SBF2: variants seen among roughly 807,000 people sequenced by gnomAD.
SBF2 encodes myotubularin-related protein 13.
In SBF2, 112 loss-of-function variants were observed where a neutral mutation model predicts 225.2. The ratio of observed to expected loss-of-function variants is 0.50; its 90% CI spans 0.43 to 0.58. The LOEUF is 0.58. Ranked by LOEUF, SBF2 falls within the 20% of genes least tolerant of loss-of-function variation. SBF2 has a pLI of 0.00. For synonymous variants in SBF2, 763 were observed against 773.3 expected (o/e 0.99, Z 0.22); for missense variants, 1,996 against 2,206.2 (o/e 0.90, Z 1.91).
At chr11:9,887,991 T>C (rs1033296097) in intron 17 of SBF2, among the ~76,000 whole-genome samples, 2 of 152,206 alleles carry the variant, frequency 1.3e-5, no homozygotes, top group African/African-American at 2.4e-5. Flanking sequence ...TATATTTCTA[T>C]AAGATTTTTC....
intron 1 of SBF2, among the ~76,000 whole-genome samples, chr11:10,221,764 G>A (rs1329262546): frequency 6.6e-6 from 1 of 152,184 alleles, no homozygotes; most frequent in Non-Finnish European, 1.5e-5. Flanking sequence ...ACAAATATTA[G>A]AGGGCAGTCA....
chr11:9,870,746 T>G (rs979848231), intron 17 of SBF2, among the ~76,000 whole-genome samples: 6 of 151,834 alleles, frequency 4.0e-5, no homozygotes, highest in African/African-American at 1.2e-4. Context: ...GAGGCTGAGG[T>G]GGGTGGAGCA....
chr11:10,151,127 A>T (rs1436905764), intron 2 of SBF2, among the ~76,000 whole-genome samples: 1 of 152,240 alleles, frequency 6.6e-6, no homozygotes, highest in Admixed American at 6.5e-5. Context: ...CAAAATACAC[A>T]GTCTCTTGCC....
intron 1 of SBF2, among the ~76,000 whole-genome samples, chr11:10,198,736 A>T (rs1373058958): frequency 1.3e-5 from 2 of 152,224 alleles, no homozygotes; most frequent in African/African-American, 4.8e-5. Context: ...CTTCTGCATA[A>T]CTTGCAGCAG....
In SBF2 at chr11:10,073,592, C is replaced by T. The variant is rs539525058; in HGVS notation, c.142-30611G>A. Among the ~76,000 whole-genome samples, 17 of 152,226 alleles carry T rather than the reference C, an allele frequency of 1.1e-4. No individual in the cohort carries two copies. In the East Asian group the frequency reaches 3.1e-3, roughly 28 times the overall value. Reference sequence around the variant, plus strand: ...ACTAGCTGGGTGTGGTGGCATGCACCTGTAGTCCCAGCTACTCAGGAGGCT... The same window carrying T: ...ACTAGCTGGGTGTGGTGGCATGCACTTGTAGTCCCAGCTACTCAGGAGGCT... On this transcript the variant is annotated intron_variant, in intron 2 of 39. Transcript: ENST00000256190.
chr11:10,137,732 C>T (rs889661967), intron 2 of SBF2, among the ~76,000 whole-genome samples: 5 of 152,052 alleles, frequency 3.3e-5, no homozygotes, highest in Admixed American at 6.6e-5. Flanking sequence ...TGAGGCCGGG[C>T]GCGGTGGTTC....
chr11:9,967,988 TATAA>T (rs1295533715), intron 14 of SBF2, among the ~76,000 whole-genome samples: 91 of 138,344 alleles, frequency 6.6e-4, no homozygotes, highest in South Asian at 5.9e-3. Context: ...TATATATATA[TATAA>T]AATATATATA....
At chr11:9,935,333 T>C (rs1864813624) in intron 16 of SBF2, among the ~76,000 whole-genome samples, 1 of 152,170 alleles carries the variant, frequency 6.6e-6, no homozygotes, top group Non-Finnish European at 1.5e-5. Context: ...GAACATTCCA[T>C]GCTCATGGAT....
At chr11:10,085,761 T>A (rs1001890195) in intron 2 of SBF2, among the ~76,000 whole-genome samples, 1 of 152,138 alleles carries the variant, frequency 6.6e-6, no homozygotes, top group Non-Finnish European at 1.5e-5. Context: ...GGAAGATGTT[T>A]TTCTGCGGTT....
At chr11:9,877,912 A>T (rs188597412) in intron 17 of SBF2, among the ~76,000 whole-genome samples, 35 of 152,358 alleles carry the variant, frequency 2.3e-4, no homozygotes, top group African/African-American at 7.7e-4. Context: ...GTATATACCC[A>T]GTAATGGGAT....
At chr11:9,945,434 A>G (rs1264262190) in intron 16 of SBF2, among the ~76,000 whole-genome samples, 2 of 152,196 alleles carry the variant, frequency 1.3e-5, no homozygotes, top group Non-Finnish European at 2.9e-5. Flanking sequence ...TTCACTATAT[A>G]CAAAAATAAA....
intron 2 of SBF2, among the ~76,000 whole-genome samples, chr11:10,066,890 A>G (rs1337234087): frequency 6.6e-6 from 1 of 152,262 alleles, no homozygotes; most frequent in Non-Finnish European, 1.5e-5. Context: ...GTAGTAGAAC[A>G]CATGATCAAT....
chr11:9,816,911 T>G lies in SBF2; in HGVS notation c.3907A>C (p.Ser1303Arg), dbSNP rs1296572528. The G allele has an allele frequency of 8.1e-6, 13 of 1,614,182 alleles. No homozygotes were observed. Among genetic ancestry groups the G allele is most frequent in the Non-Finnish European group, 1.1e-5 (13 of 1,180,024 alleles). ...KDHSASFSNS[S>R]YLQNQLLKRQ... ...TTCAAGAGCTGGTTTTGTAGGTAGCTGCTGTTACTGAAGGAGGCCGAGTGA... is the reference window on the plus strand; with the variant it reads ...TTCAAGAGCTGGTTTTGTAGGTAGCGGCTGTTACTGAAGGAGGCCGAGTGA... The change falls in exon 29 of 40, where the codon AGC becomes CGC. Residue 1303 changes from serine (S) to arginine (R), a missense_variant. Coordinates refer to ENST00000256190, the MANE Select transcript of SBF2 (RefSeq NM_030962.4).
chr11:10,075,743 T>C (rs1030133018), intron 2 of SBF2, among the ~76,000 whole-genome samples: 1 of 152,200 alleles, frequency 6.6e-6, no homozygotes, highest in African/African-American at 2.4e-5. Flanking sequence ...GTGAGTCAAT[T>C]AAACCTCTTT....
chr11:10,250,991 T>C (rs1030342456), intron 1 of SBF2, among the ~76,000 whole-genome samples: 5 of 152,184 alleles, frequency 3.3e-5, no homozygotes, highest in African/African-American at 1.2e-4. Context: ...CTACTATCAT[T>C]AGACTCTTAT....
intron 1 of SBF2, among the ~76,000 whole-genome samples, chr11:10,211,059 C>T (rs1339539497): frequency 2.3e-5 from 3 of 130,746 alleles, no homozygotes; most frequent in Non-Finnish European, 3.3e-5. Flanking sequence ...GCTCAATGTA[C>T]ATGTGTTTTC....
At chr11:9,844,124 A>C (rs2133965364) in intron 24 of SBF2, among the ~76,000 whole-genome samples, 1 of 152,294 alleles carries the variant, frequency 6.6e-6, no homozygotes, top group East Asian at 1.9e-4. Flanking sequence ...GAGATAACAA[A>C]CATCATAGGC....
chr11:9,976,994 G>A (rs1946724294), intron 13 of SBF2, among the ~76,000 whole-genome samples: 2 of 151,758 alleles, frequency 1.3e-5, no homozygotes, highest in Non-Finnish European at 2.9e-5. Context: ...TCCTGACCTC[G>A]TGATCCACCT....
At chr11:10,220,175 A>T (rs916550451) in intron 1 of SBF2, among the ~76,000 whole-genome samples, 2 of 152,206 alleles carry the variant, frequency 1.3e-5, no homozygotes, top group Non-Finnish European at 2.9e-5. Flanking sequence ...GCAAAGGAAC[A>T]TTTACATGGT....
Sources: gnomAD v4.1 joint callset for allele counts (sites outside exome capture counted in the v4.1 genomes callset) on GRCh38, gnomAD v4.1.1 for gene constraint, MANE v1.5 for transcripts, NCBI Gene and HGNC (gene_info 2026-07-23, HGNC 2026-07-21) for gene names.